GPHN: variants seen among roughly 807,000 people sequenced by gnomAD.
The protein encoded by GPHN is gephyrin.
A neutral mutation model predicts 95.5 loss-of-function variants in GPHN; 17 were observed. That is an observed-to-expected ratio of 0.18 (90% CI 0.12 to 0.27). GPHN has a LOEUF of 0.27. Among genes scored for constraint, GPHN ranks in the 10% least tolerant of loss-of-function variants. The probability of loss-of-function intolerance (pLI) is 1.00; values close to 1 mark genes in which losing one functional copy is unlikely to be tolerated. For synonymous variants in GPHN, 320 were observed against 322.5 expected, an observed-to-expected ratio of 0.99 and a Z score of 0.08; for missense variants, 660 against 978.1, an observed-to-expected ratio of 0.67 and a Z score of 4.34.
At chr14:67,365,458 T>G in the GPHN span, among the ~76,000 whole-genome samples, 1 of 152,226 alleles carries the variant, frequency 6.6e-6, no homozygotes, top group Non-Finnish European at 1.5e-5. Context: ...GAAAAAGCAA[T>G]ATACTATGCG....
the GPHN span, among the ~76,000 whole-genome samples, chr14:67,696,885 A>G: frequency 6.6e-6 from 1 of 152,230 alleles, no homozygotes; most frequent in African/African-American, 2.4e-5. Flanking sequence ...ATGAACTAAT[A>G]TATTTTATAG....
intron 9 of GPHN, among the ~76,000 whole-genome samples, chr14:66,982,680 C>G (rs2070754227): frequency 6.6e-6 from 1 of 152,018 alleles, no homozygotes; most frequent in Non-Finnish European, 1.5e-5. Flanking sequence ...TTTTGATTAT[C>G]AATATATATA....
chr14:67,653,553 T>G, the GPHN span: 1 of 1,487,660 alleles, frequency 6.7e-7, no homozygotes, highest in Non-Finnish European at 9.3e-7. Context: ...CTCTGTACAA[T>G]TGAATATCCC....
intron 1 of GPHN, among the ~76,000 whole-genome samples, chr14:66,655,254 ATATT>A (rs2065243499): frequency 1.3e-5 from 2 of 152,092 alleles, no homozygotes; most frequent in South Asian, 4.1e-4. Context: ...GTTATTCTGT[ATATT>A]TATTTATTAG....
chr14:66,904,084 G>A (rs935285249), intron 5 of GPHN, among the ~76,000 whole-genome samples: 1 of 152,134 alleles, frequency 6.6e-6, no homozygotes, highest in Non-Finnish European at 1.5e-5. Context: ...TTATGATTGT[G>A]TGTCCAGAGT....
At chr14:66,670,983 A>G (rs1327053345) in intron 1 of GPHN, among the ~76,000 whole-genome samples, 1 of 152,198 alleles carries the variant, frequency 6.6e-6, no homozygotes, top group Non-Finnish European at 1.5e-5. Context: ...GTGTTTACTA[A>G]TATGAAGAAT....
rs866327165 is a variant in GPHN at position 66,564,640 on chromosome 14, A to G, written c.64+56049A>G. Among the ~76,000 whole-genome samples, 3 of 152,322 alleles carry G rather than the reference A, an allele frequency of 2.0e-5. No individual in the cohort carries two copies. The Middle Eastern group carries it at 0.01, about 518-fold the overall frequency. ...GAACACAAATCCAACATTTTGATATATGTAGCAAATAACAATTTATCATTT... is the reference window on the plus strand; with the variant it reads ...GAACACAAATCCAACATTTTGATATGTGTAGCAAATAACAATTTATCATTT... On this transcript the variant is annotated intron_variant, in intron 1 of 22. Coordinates refer to ENST00000478722, the MANE Select transcript of GPHN (RefSeq NM_020806.5).
intron 21 of GPHN, among the ~76,000 whole-genome samples, chr14:67,173,723 A>T (rs149096995): frequency 6.6e-6 from 1 of 152,236 alleles, no homozygotes; most frequent in Non-Finnish European, 1.5e-5. Flanking sequence ...AAGAAAATCA[A>T]TGACCTGCTG....
the GPHN span, among the ~76,000 whole-genome samples, chr14:67,301,092 T>C: frequency 1.3e-5 from 2 of 152,158 alleles, no homozygotes; most frequent in African/African-American, 4.8e-5. Context: ...AGTTTTTCTT[T>C]TCTTATGTAA....
the GPHN span, chr14:67,473,982 G>A: frequency 1.3e-6 from 2 of 1,519,084 alleles, no homozygotes; most frequent in East Asian, 2.4e-5. The surrounding 1 kb of genome is among the most constrained non-coding windows in gnomAD (Gnocchi z 6.5). Context: ...GCCGGGCGCG[G>A]TGGCTCACGC....
the GPHN span, chr14:67,279,812 A>C: frequency 2.8e-6 from 1 of 352,704 alleles, no homozygotes; most frequent in East Asian, 4.1e-5. Flanking sequence ...AAGCCTTGAA[A>C]TTTACCTTTT....
intron 1 of GPHN, among the ~76,000 whole-genome samples, chr14:66,592,174 A>G (rs2061678319): frequency 6.6e-6 from 1 of 152,234 alleles, no homozygotes; most frequent in South Asian, 2.1e-4. Context: ...AAATACTTAA[A>G]TGTAAGACCT....
the GPHN span, among the ~76,000 whole-genome samples, chr14:67,504,118 A>G: frequency 1.3e-5 from 2 of 151,880 alleles, no homozygotes; most frequent in African/African-American, 4.8e-5. Context: ...GGTTCAAGCG[A>G]TTCTCCTGCC....
chr14:67,507,618 T>C, the GPHN span, among the ~76,000 whole-genome samples: 2 of 152,086 alleles, frequency 1.3e-5, no homozygotes, highest in African/African-American at 2.4e-5. Context: ...CCAACTAATT[T>C]TGTGTAAAGA....
chr14:67,242,954 T>G, the GPHN span, among the ~76,000 whole-genome samples: 1 of 152,186 alleles, frequency 6.6e-6, no homozygotes, highest in Non-Finnish European at 1.5e-5. Context: ...GTTTAGCTTT[T>G]ACATGATCTT....
At chr14:67,578,514 G>A in the GPHN span, 14 of 1,561,302 alleles carry the variant, frequency 9.0e-6, no homozygotes, top group East Asian at 4.5e-5. The surrounding 1 kb of genome is among the most constrained non-coding windows in gnomAD (Gnocchi z 5.0). Context: ...CTCACCCCAC[G>A]CTGTCTGTGT....
At chr14:66,778,919 A>G (rs1281565924) in intron 3 of GPHN, among the ~76,000 whole-genome samples, 1 of 150,766 alleles carries the variant, frequency 6.6e-6, no homozygotes, top group African/African-American at 2.4e-5. Flanking sequence ...TTTTAATTTT[A>G]TTTTAGTAGA....
At chr14:66,517,149 AAAAG>A (rs1298825250) in intron 1 of GPHN, among the ~76,000 whole-genome samples, 5 of 150,230 alleles carry the variant, frequency 3.3e-5, no homozygotes, top group African/African-American at 9.9e-5. Context: ...AAAAAAAAAA[AAAAG>A]AAGAAACTGA....
At chr14:67,198,154 C>A in the GPHN span, 1 of 1,608,196 alleles carries the variant, frequency 6.2e-7, no homozygotes, top group Non-Finnish European at 8.5e-7. Context: ...TGTTTATGTG[C>A]AAGCGCAATG....
Sources: gnomAD v4.1 joint callset for allele counts (sites outside exome capture counted in the v4.1 genomes callset) on GRCh38, gnomAD v4.1.1 for gene constraint, Gnocchi (gnomAD v3.1) non-coding constraint, MANE v1.5 for transcripts, NCBI Gene and HGNC (gene_info 2026-07-23, HGNC 2026-07-21) for gene names.